Variants in MAF observed in about 807,000 individuals in gnomAD.
The protein encoded by MAF is transcription factor Maf.
In MAF, 10 loss-of-function variants were observed where a neutral mutation model predicts 22.0. The observed-to-expected ratio is 0.45, with a 90% CI of 0.28 to 0.77. The LOEUF is 0.77. Among genes scored for constraint, MAF ranks in the 30% least tolerant of loss-of-function variants. The probability of loss-of-function intolerance (pLI) is 0.12; values close to 1 mark genes in which losing one functional copy is unlikely to be tolerated. For synonymous variants in MAF, 337 were observed against 255.8 expected (o/e 1.32, Z -3.03); for missense variants, 544 against 548.4 (o/e 0.99, Z 0.08).
At chr16:79,298,545 C>T in the MAF span, among the ~76,000 whole-genome samples, 2 of 152,168 alleles carry the variant, frequency 1.3e-5, no homozygotes, top group African/African-American at 2.4e-5. Context: ...TGAAGGGTGC[C>T]AATCACGGGC....
the MAF span, among the ~76,000 whole-genome samples, chr16:79,505,397 G>C: frequency 6.6e-6 from 1 of 152,140 alleles, no homozygotes; most frequent in Non-Finnish European, 1.5e-5. Flanking sequence ...GTTTGTCCTT[G>C]TCCCTCAGTC....
the MAF span, among the ~76,000 whole-genome samples, chr16:79,287,780 TTCAC>T: frequency 1.3e-5 from 2 of 152,330 alleles, no homozygotes; most frequent in South Asian, 2.1e-4. Flanking sequence ...CACCCATTCA[TTCAC>T]TCACTCATTC....
chr16:79,404,377 T>C, the MAF span, among the ~76,000 whole-genome samples: 1 of 152,132 alleles, frequency 6.6e-6, no homozygotes, highest in African/African-American at 2.4e-5. Context: ...TTGGCCAGGA[T>C]AGTCTCGATC....
chr16:79,582,215 G>A (rs949149108), downstream of MAF, among the ~76,000 whole-genome samples: 1 of 152,148 alleles, frequency 6.6e-6, no homozygotes, highest in African/African-American at 2.4e-5. Context: ...TTTTTGGATG[G>A]AGGAAATAAA....
chr16:79,556,626 G>A, the MAF span, among the ~76,000 whole-genome samples: 4 of 152,212 alleles, frequency 2.6e-5, no homozygotes, highest in Non-Finnish European at 5.9e-5. Context: ...AGCAAGGAGA[G>A]TAGATCCTTG....
chr16:79,321,128 T>C, the MAF span, among the ~76,000 whole-genome samples: 1 of 152,240 alleles, frequency 6.6e-6, no homozygotes, highest in Non-Finnish European at 1.5e-5. Context: ...TCTGTGCCAA[T>C]CACTGTGTTG....
chr16:79,508,411 C>G, the MAF span, among the ~76,000 whole-genome samples: 6 of 152,318 alleles, frequency 3.9e-5, no homozygotes, highest in African/African-American at 7.2e-5. Context: ...ATGGGCCTCT[C>G]TCCTCCTGGG....
the MAF span, chr16:79,202,913 C>A: frequency 6.6e-6 from 1 of 152,166 alleles, no homozygotes; most frequent in African/African-American, 2.4e-5. Flanking sequence ...ATAATATTTG[C>A]ATGATAGAAT....
the MAF span, among the ~76,000 whole-genome samples, chr16:79,539,964 G>A: frequency 6.6e-6 from 1 of 152,052 alleles, no homozygotes; most frequent in African/African-American, 2.4e-5. Flanking sequence ...GATGATTTCT[G>A]TAACAAAAAA....
At chr16:79,498,495 T>C in the MAF span, among the ~76,000 whole-genome samples, 40 of 152,370 alleles carry the variant, frequency 2.6e-4, no homozygotes, top group African/African-American at 8.7e-4. Context: ...TCAGGCTAGC[T>C]TTGGCCCATG....
intron 1 of MAF, chr16:79,597,977 C>G: frequency 9.6e-7 from 1 of 1,043,854 alleles, no homozygotes; most frequent in Non-Finnish European, 1.2e-6. Context: ...CAAGTCACAC[C>G]CAGAAGGTTG....
the MAF span, among the ~76,000 whole-genome samples, chr16:79,437,146 C>CTGTGTG: frequency 2.0e-5 from 2 of 99,138 alleles, no homozygotes; most frequent in African/African-American, 3.2e-5. Context: ...CTCTCTCTCT[C>CTGTGTG]TGTGTGTGTG....
At chr16:79,438,000 C>T in the MAF span, among the ~76,000 whole-genome samples, 18 of 152,248 alleles carry the variant, frequency 1.2e-4, no homozygotes, top group East Asian at 3.3e-3. Context: ...ACCGGGAAGC[C>T]GGGGCTACTA....
the MAF span, among the ~76,000 whole-genome samples, chr16:79,217,055 C>A: frequency 6.6e-6 from 1 of 152,242 alleles, no homozygotes; most frequent in African/African-American, 2.4e-5. Context: ...AGTGATCCAA[C>A]TGCCTCAGCC....
the MAF span, among the ~76,000 whole-genome samples, chr16:79,316,078 C>A: frequency 6.6e-6 from 1 of 152,174 alleles, no homozygotes; most frequent in African/African-American, 2.4e-5. Context: ...CATGCATAAC[C>A]TTATTATGCA....
the MAF span, among the ~76,000 whole-genome samples, chr16:79,466,881 C>A: frequency 6.6e-6 from 1 of 152,166 alleles, no homozygotes; most frequent in Admixed American, 6.5e-5. Flanking sequence ...CATATGGACA[C>A]GGATCTGTGG....
chr16:79,591,686 T>C (rs896441268), downstream of MAF, among the ~76,000 whole-genome samples: 3 of 152,316 alleles, frequency 2.0e-5, no homozygotes, highest in East Asian at 1.9e-4. Flanking sequence ...TGGTTTGCTC[T>C]TCCCATCTCA....
At chr16:79,272,282 A>G in the MAF span, among the ~76,000 whole-genome samples, 1 of 152,092 alleles carries the variant, frequency 6.6e-6, no homozygotes, top group Non-Finnish European at 1.5e-5. Context: ...GAAGAGAAAA[A>G]CCCAAACCAC....
the MAF span, among the ~76,000 whole-genome samples, chr16:79,464,502 C>T: frequency 6.6e-6 from 1 of 152,176 alleles, no homozygotes; most frequent in African/African-American, 2.4e-5. Flanking sequence ...CATGCTTGCC[C>T]TGCCCAGATT....
Sources: gnomAD v4.1 joint callset for allele counts (sites outside exome capture counted in the v4.1 genomes callset) on GRCh38, gnomAD v4.1.1 for gene constraint, MANE v1.5 for transcripts, NCBI Gene and HGNC (gene_info 2026-07-23, HGNC 2026-07-21) for gene names.